The following SOCS5 variants were observed in gnomAD, a reference collection of about 807,000 sequenced individuals.
The protein encoded by SOCS5 is suppressor of cytokine signaling 5.
In SOCS5, 32 loss-of-function variants were observed where a neutral mutation model predicts 42.8. The ratio of observed to expected loss-of-function variants is 0.75; its 90% CI spans 0.56 to 1.01. The LOEUF (loss-of-function observed/expected upper bound fraction) is 1.01. Among genes scored for constraint, SOCS5 ranks in the 50% least tolerant of loss-of-function variants. SOCS5 has a pLI of 0.00. For missense variants in SOCS5, 627 were observed against 653.0 expected (o/e 0.96, Z 0.43); for synonymous variants, 283 against 229.6 (o/e 1.23, Z -2.10).
chr2:46,753,424 G>A (rs1223456672), intron 1 of SOCS5, among the ~76,000 whole-genome samples: 1 of 152,070 alleles, frequency 6.6e-6, no homozygotes, highest in Non-Finnish European at 1.5e-5. Flanking sequence ...GTCTAATAAA[G>A]CAATACATCA....
At chr2:46,730,441 A>G (rs1277950536) in intron 1 of SOCS5, among the ~76,000 whole-genome samples, 1 of 151,934 alleles carries the variant, frequency 6.6e-6, no homozygotes, top group Non-Finnish European at 1.5e-5. Context: ...TCTCTACTAA[A>G]AATACAAAAT....
intron 1 of SOCS5, among the ~76,000 whole-genome samples, chr2:46,730,176 C>G (rs906640033): frequency 6.6e-6 from 1 of 152,118 alleles, no homozygotes; most frequent in Non-Finnish European, 1.5e-5. Context: ...ATCTTAGATA[C>G]GGATTTTGGC....
intron 1 of SOCS5, among the ~76,000 whole-genome samples, chr2:46,720,380 A>G (rs934656435): frequency 6.6e-6 from 1 of 152,178 alleles, no homozygotes; most frequent in Non-Finnish European, 1.5e-5. Flanking sequence ...TTTGTTCTGA[A>G]TGGTAAAACT....
chr2:46,734,921 T>A (rs1008610451), intron 1 of SOCS5, among the ~76,000 whole-genome samples: 1 of 152,204 alleles, frequency 6.6e-6, no homozygotes, highest in South Asian at 2.1e-4. Context: ...ACATCAGCCA[T>A]CTGAATCATT....
At position 46,705,078 on chromosome 2, in the gene SOCS5, C is replaced by T. The variant is rs533847410; in HGVS notation, c.-13+5629C>T. On this transcript the variant is annotated intron_variant, in intron 1 of 1. Coordinates refer to ENST00000394861, the MANE Select transcript of SOCS5 (RefSeq NM_144949.3). Reference sequence around the variant, plus strand: ...GACCTTGCTGTAATTGTCACTATTTCTGACTGTTTATTTGTATCCTTAAAA... The same window carrying T: ...GACCTTGCTGTAATTGTCACTATTTTTGACTGTTTATTTGTATCCTTAAAA... Among the ~76,000 whole-genome samples the T allele has an allele frequency of 7.2e-5, 11 of 152,310 alleles. No individual in the cohort carries two copies. In the South Asian group the frequency reaches 2.3e-3, roughly 32 times the overall value.
At chr2:46,741,353 C>A (rs1273428480) in intron 1 of SOCS5, among the ~76,000 whole-genome samples, 2 of 152,136 alleles carry the variant, frequency 1.3e-5, no homozygotes, top group South Asian at 4.1e-4. Flanking sequence ...GATTCTTTTA[C>A]CTCAATGTCC....
chr2:46,719,140 A>G lies in SOCS5; in HGVS notation c.-13+19691A>G, dbSNP rs148016781. ...TACTGTTCTGATTATAATAAAAATA[A>G]CTGGCAGGAGATGGAAAATTAAGAG... On this transcript the variant is annotated intron_variant, in intron 1 of 1. Coordinates refer to ENST00000394861, the MANE Select transcript of SOCS5 (RefSeq NM_144949.3). 8.6e-3 allele frequency among the ~76,000 whole-genome samples: 1,316 copies of G among 152,342 alleles called. 9 individuals are homozygous for G. Among genetic ancestry groups the G allele is most frequent in the Non-Finnish European group, 0.014 (943 of 68,012 alleles).
chr2:46,720,840 G>A (rs1672861931), intron 1 of SOCS5, among the ~76,000 whole-genome samples: 1 of 152,144 alleles, frequency 6.6e-6, no homozygotes, highest in African/African-American at 2.4e-5. Flanking sequence ...TACTCTGGAG[G>A]AGGCAAGGAG....
chr2:46,706,731 A>G (rs1038637698), intron 1 of SOCS5, among the ~76,000 whole-genome samples: 1 of 152,366 alleles, frequency 6.6e-6, no homozygotes. Context: ...TTAGGATGGC[A>G]TGGAAATAAG....
intron 1 of SOCS5, among the ~76,000 whole-genome samples, chr2:46,739,690 C>G (rs1019219698): frequency 2.0e-5 from 3 of 152,080 alleles, no homozygotes; most frequent in Non-Finnish European, 4.4e-5. Flanking sequence ...CTTTTGTGAA[C>G]GTCATTTTTT....
chr2:46,724,653 C>G (rs973995440), intron 1 of SOCS5, among the ~76,000 whole-genome samples: 17 of 151,948 alleles, frequency 1.1e-4, no homozygotes, highest in Admixed American at 2.0e-4. Context: ...AAGTACATCA[C>G]TAAATATCTA....
intron 1 of SOCS5, among the ~76,000 whole-genome samples, chr2:46,717,564 T>C (rs918952469): frequency 2.0e-5 from 3 of 152,212 alleles, no homozygotes; most frequent in African/African-American, 7.2e-5. Flanking sequence ...CATCATTTCG[T>C]AATCTTCCGG....
chr2:46,715,424 A>T (rs1440429819), intron 1 of SOCS5, among the ~76,000 whole-genome samples: 2 of 151,798 alleles, frequency 1.3e-5, no homozygotes, highest in Non-Finnish European at 2.9e-5. Flanking sequence ...ATTTACCTTC[A>T]TTTAACCATT....
chr2:46,724,960 T>C lies in SOCS5; in HGVS notation c.-13+25511T>C, dbSNP rs75390991. ...GTTGCATAGTTTTTTGAGAGGAGGGTGTTGAAATCTCCAACTGTCATTGTA... is the reference window on the plus strand; with the variant it reads ...GTTGCATAGTTTTTTGAGAGGAGGGCGTTGAAATCTCCAACTGTCATTGTA... On this transcript the variant is annotated intron_variant, in intron 1 of 1. Transcript: ENST00000394861. Among the ~76,000 whole-genome samples the C allele has an allele frequency of 8.0e-3, 1,210 of 151,456 alleles. 9 individuals carry two copies. Among genetic ancestry groups the C allele is most frequent in the African/African-American group, 0.014 (573 of 41,480 alleles).
intron 1 of SOCS5, among the ~76,000 whole-genome samples, chr2:46,748,189 C>CTTTTT (rs35861326): frequency 7.2e-6 from 1 of 138,788 alleles, no homozygotes. Flanking sequence ...TTTTCTTTTT[C>CTTTTT]TTTTTTTTTT....
intron 1 of SOCS5, among the ~76,000 whole-genome samples, chr2:46,737,020 A>G (rs995394461): frequency 5.9e-5 from 9 of 152,194 alleles, no homozygotes; most frequent in Non-Finnish European, 8.8e-5. Flanking sequence ...CTGTACTCAC[A>G]TAGCTTCTTG....
intron 1 of SOCS5, among the ~76,000 whole-genome samples, chr2:46,705,544 C>T (rs1672443423): frequency 2.0e-5 from 3 of 152,142 alleles, no homozygotes; most frequent in Admixed American, 6.5e-5. Flanking sequence ...GACAGGAAAG[C>T]GCCTGAAATA....
chr2:46,747,533 T>C (rs1177486353), intron 1 of SOCS5, among the ~76,000 whole-genome samples: 2 of 152,158 alleles, frequency 1.3e-5, no homozygotes, highest in South Asian at 4.1e-4. Flanking sequence ...TTTAAATCTG[T>C]TTTATATCTC....
chr2:46,733,937 T>C lies in SOCS5; in HGVS notation c.-12-24582T>C, dbSNP rs566371207. On this transcript the variant is annotated intron_variant, in intron 1 of 1. Coordinates refer to ENST00000394861, the MANE Select transcript of SOCS5 (RefSeq NM_144949.3). ...TTCTAGTTAATAAACTGTCCCACAC[T>C]CCATTTAGGATGTAATCAGTATGCA... Among the ~76,000 whole-genome samples, 15 of 152,328 alleles carry C rather than the reference T, an allele frequency of 9.8e-5. No homozygotes were observed. The East Asian group carries it at 2.9e-3, about 29-fold the overall frequency.
Sources: gnomAD v4.1 joint callset for allele counts (sites outside exome capture counted in the v4.1 genomes callset) on GRCh38, gnomAD v4.1.1 for gene constraint, MANE v1.5 for transcripts, NCBI Gene and HGNC (gene_info 2026-07-23, HGNC 2026-07-21) for gene names.